Variants in FAF1 observed in about 807,000 individuals in gnomAD.
FAF1 encodes FAS-associated factor 1.
FAF1 carries 25 observed loss-of-function variants against 92.5 expected under a neutral mutation model. That is an observed-to-expected ratio of 0.27 (90% CI 0.20 to 0.38). The LOEUF (loss-of-function observed/expected upper bound fraction) is 0.38, where lower values mean the gene tolerates loss of function less well. Ranked by LOEUF, FAF1 falls within the 10% of genes least tolerant of loss-of-function variation. FAF1 has a pLI of 1.00. For missense variants in FAF1, 636 were observed against 793.3 expected (o/e 0.80, Z 2.38); for synonymous variants, 234 against 273.2 (o/e 0.86, Z 1.42).
At chr1:50,631,729 G>A (rs750553600) in intron 8 of FAF1, among the ~76,000 whole-genome samples, 8 of 152,200 alleles carry the variant, frequency 5.3e-5, no homozygotes, top group Non-Finnish European at 1.2e-4. Context: ...AAGTGCAAAA[G>A]TTACAACCAC....
chr1:50,916,265 T>G (rs1644917875), intron 1 of FAF1, among the ~76,000 whole-genome samples: 1 of 152,204 alleles, frequency 6.6e-6, no homozygotes. Context: ...TAACTTATTA[T>G]TCCCATCTTC....
chr1:50,592,143 CAAT>C (rs1289227418), intron 9 of FAF1, among the ~76,000 whole-genome samples: 2 of 152,034 alleles, frequency 1.3e-5, no homozygotes, highest in African/African-American at 4.8e-5. Context: ...ATGCTTGCCT[CAAT>C]TTTCTCATTA....
Position 50,705,803 on chromosome 1 carries a change from T to A in FAF1, c.640A>T (p.Ser214Cys). The change falls in exon 7 of 19, where the codon AGC becomes TGC. Residue 214 changes from serine to cysteine, a missense_variant. Physicochemically the swap from Ser to Cys is moderately radical, Grantham distance 112. This residue lies in a region of FAF1 where 317 missense variants were observed against 342.4 expected (regional missense o/e 0.93). Transcript: ENST00000396153. The part of the protein sequence containing the change: ...QREYNLNFSG[S>C]STIQEVKRNV... ...TAACTCACCTCTTGAATAGTACTGC[T>A]TCCTGAGAAGTTCAGGTTGTACTCC... 1 of 1,602,960 alleles carries A rather than the reference T, an allele frequency of 6.2e-7. No individual in the cohort carries two copies. The highest frequency in any genetic ancestry group is 8.5e-7 in the Non-Finnish European group (1 of 1,170,204).
rs868333612 is a variant in FAF1, at chr1:50,908,439, G to T, written c.46-50442C>A. Among the ~76,000 whole-genome samples, 4 of 152,272 alleles carry T rather than the reference G, an allele frequency of 2.6e-5. 1 individual carries two copies. In the Middle Eastern group the frequency reaches 0.01, roughly 388 times the overall value. ...TCCTGGATATTCTTGTTAACTTTCTGTCTCATTGATCTGTCTAATGTTGAT... is the reference window on the plus strand; with the variant it reads ...TCCTGGATATTCTTGTTAACTTTCTTTCTCATTGATCTGTCTAATGTTGAT... On this transcript the variant is annotated intron_variant, in intron 1 of 18. Coordinates refer to ENST00000396153, the MANE Select transcript of FAF1 (RefSeq NM_007051.3).
At chr1:50,942,667 AG>A (rs1645142838) in intron 1 of FAF1, among the ~76,000 whole-genome samples, 2 of 152,148 alleles carry the variant, frequency 1.3e-5, no homozygotes, top group African/African-American at 2.4e-5. Flanking sequence ...TGGATATTGG[AG>A]GAAGATACAG....
chr1:50,919,406 G>C (rs1644944929), intron 1 of FAF1, among the ~76,000 whole-genome samples: 1 of 151,054 alleles, frequency 6.6e-6, no homozygotes. Flanking sequence ...AAAAATCACA[G>C]AATGAATTAT....
intron 4 of FAF1, among the ~76,000 whole-genome samples, chr1:50,776,958 A>C (rs1448074863): frequency 1.3e-5 from 2 of 150,638 alleles, no homozygotes; most frequent in African/African-American, 4.9e-5. Context: ...TTGGTGATTT[A>C]AAAAAAAATA....
chr1:50,515,304 C>A (rs910987535), intron 15 of FAF1, among the ~76,000 whole-genome samples: 1 of 152,104 alleles, frequency 6.6e-6, no homozygotes, highest in Non-Finnish European at 1.5e-5. Context: ...ATGTAACTTG[C>A]CAATGGTGTA....
chr1:50,688,084 G>A (rs1052023023), intron 7 of FAF1, among the ~76,000 whole-genome samples: 6 of 151,336 alleles, frequency 4.0e-5, no homozygotes, highest in African/African-American at 9.7e-5. Flanking sequence ...GCAGGGAGCC[G>A]AGATCGCACC....
At chr1:50,931,888 AAATAATAATAAT>A (rs201964842) in intron 1 of FAF1, among the ~76,000 whole-genome samples, 1,354 of 129,466 alleles carry the variant, frequency 0.01, 35 homozygotes, top group African/African-American at 0.037. Context: ...ATAAATAAAT[AAATAATAATAAT>A]AATAATAATA....
At chr1:50,946,841 C>G (rs115459241) in intron 1 of FAF1, among the ~76,000 whole-genome samples, 1 of 152,274 alleles carries the variant, frequency 6.6e-6, no homozygotes, top group African/African-American at 2.4e-5. Context: ...GAACTCACAG[C>G]CTAAAGAACC....
At chr1:50,472,364 A>AACAC (rs1169240003) in intron 18 of FAF1, among the ~76,000 whole-genome samples, 12 of 90,172 alleles carry the variant, frequency 1.3e-4, no homozygotes, top group Admixed American at 7.4e-4. Flanking sequence ...AATTGGGGAA[A>AACAC]ACATACACAC....
At chr1:50,722,071 T>C (rs966899812) in intron 6 of FAF1, among the ~76,000 whole-genome samples, 7 of 152,146 alleles carry the variant, frequency 4.6e-5, no homozygotes, top group African/African-American at 1.7e-4. Flanking sequence ...AAACCTACTG[T>C]TTTTTTCTAC....
intron 10 of FAF1, among the ~76,000 whole-genome samples, chr1:50,584,384 A>G (rs1041422660): frequency 6.6e-6 from 1 of 152,128 alleles, no homozygotes. Flanking sequence ...CAGAAAGTAC[A>G]CCTGTTTGTT....
chr1:50,951,951 G>T lies in FAF1; in HGVS notation c.45+7816C>A, dbSNP rs529573016. 2.6e-5 allele frequency among the ~76,000 whole-genome samples: 4 copies of T among 152,184 alleles called. No individual in the cohort carries two copies. The South Asian group carries it at 8.3e-4, about 32-fold the overall frequency. On this transcript the variant is annotated intron_variant, in intron 1 of 18. Coordinates refer to ENST00000396153, the MANE Select transcript of FAF1 (RefSeq NM_007051.3). Reference sequence around the variant, plus strand: ...TTTAGAAAGAGAAAATATTATAAACGGACAGAAACTACTTATGTGTCACTC... The same window carrying T: ...TTTAGAAAGAGAAAATATTATAAACTGACAGAAACTACTTATGTGTCACTC...
chr1:50,832,903 A>G (rs907728719), intron 2 of FAF1, among the ~76,000 whole-genome samples: 2 of 152,234 alleles, frequency 1.3e-5, no homozygotes, highest in Admixed American at 6.5e-5. Flanking sequence ...CTCTCAAAAT[A>G]GAATACCTAA....
At chr1:50,712,446 A>G (rs1473205417) in intron 6 of FAF1, among the ~76,000 whole-genome samples, 1 of 152,134 alleles carries the variant, frequency 6.6e-6, no homozygotes, top group Non-Finnish European at 1.5e-5. Context: ...CCTTGAGGCC[A>G]GGAATTTGAG....
intron 7 of FAF1, among the ~76,000 whole-genome samples, chr1:50,697,037 T>C (rs1657264731): frequency 6.6e-6 from 1 of 152,222 alleles, no homozygotes; most frequent in African/African-American, 2.4e-5. Context: ...ACCAGCTGGG[T>C]AGAAATTCAC....
intron 1 of FAF1, among the ~76,000 whole-genome samples, chr1:50,882,991 A>C (rs1202125236): frequency 6.6e-6 from 1 of 151,914 alleles, no homozygotes; most frequent in Non-Finnish European, 1.5e-5. Flanking sequence ...TCTCCAAAAA[A>C]AAAAAAAAAA....
Sources: gnomAD v4.1 joint callset for allele counts (sites outside exome capture counted in the v4.1 genomes callset) on GRCh38, gnomAD v4.1.1 for gene constraint, gnomAD v4.1.1 regional missense constraint, MANE v1.5 for transcripts, NCBI Gene and HGNC (gene_info 2026-07-23, HGNC 2026-07-21) for gene names.